RAB10: variants seen among roughly 807,000 people sequenced by gnomAD.
The protein encoded by RAB10 is RAB10, member RAS oncogene family, also known as ras-related protein Rab-10.
Under a neutral mutation model 25.7 loss-of-function variants are expected in RAB10, and 5 were observed. The observed-to-expected ratio is 0.19, with a 90% CI of 0.10 to 0.41. RAB10 has a LOEUF of 0.41. Among genes scored for constraint, RAB10 ranks in the 10% least tolerant of loss-of-function variants. The probability of loss-of-function intolerance (pLI) is 1.00; values close to 1 mark genes in which losing one functional copy is unlikely to be tolerated. For missense variants in RAB10, 103 were observed against 245.8 expected (o/e 0.42, Z 3.89); for synonymous variants, 89 against 86.4 (o/e 1.03, Z -0.16).
intron 4 of RAB10, 49 bp from the exon 5 acceptor site, chr2:26,127,801 G>A: frequency 7.2e-7 from 1 of 1,382,442 alleles, no homozygotes. Context: ...GTCAGCAGTT[G>A]GCAACCCATG....
chr2:26,128,292 G>A (rs1160311383), intron 5 of RAB10, among the ~76,000 whole-genome samples: 1 of 152,204 alleles, frequency 6.6e-6, no homozygotes, highest in Non-Finnish European at 1.5e-5. Flanking sequence ...TCTGATGGGA[G>A]GCGGAGCTCA....
intron 3 of RAB10, among the ~76,000 whole-genome samples, chr2:26,122,175 A>G (rs1667818028): frequency 6.6e-6 from 1 of 152,218 alleles, no homozygotes; most frequent in South Asian, 2.1e-4. Flanking sequence ...TTTCAAGATA[A>G]ATTAATCCAG....
At position 26,039,409 on chromosome 2, in the gene RAB10, G is replaced by T. The variant is rs949125690; in HGVS notation, c.127+4674G>T. On this transcript the variant is annotated intron_variant, in intron 1 of 5. Transcript: ENST00000264710. ...TGCCCAGGCTGGAGTGTAGTGGCGC[G>T]ATCTGGGCTCACTGCAACCTCCACT... Among the ~76,000 whole-genome samples the T allele has an allele frequency of 1.2e-4, 18 of 151,448 alleles. 1 individual carries two copies. Among genetic ancestry groups the T allele is most frequent in the Admixed American group, 1.1e-3 (16 of 15,180 alleles).
At position 26,079,955 on chromosome 2, in the gene RAB10, C is replaced by T. The variant is rs138773203; in HGVS notation, c.128-18707C>T. Among the ~76,000 whole-genome samples the T allele has an allele frequency of 2.5e-3, 385 of 152,242 alleles. 2 individuals carry two copies. The Middle Eastern group carries it at 0.027, about 11-fold the overall frequency. ...GATTATAGATGTGAGCCACTGCTCC[C>T]GGCTTAAATACAATTTCTTAATAAA... On this transcript the variant is annotated intron_variant, in intron 1 of 5. Coordinates refer to ENST00000264710, the MANE Select transcript of RAB10 (RefSeq NM_016131.5).
chr2:26,084,874 C>T (rs1404247496), intron 1 of RAB10, among the ~76,000 whole-genome samples: 1 of 152,076 alleles, frequency 6.6e-6, no homozygotes, highest in Non-Finnish European at 1.5e-5. Flanking sequence ...CTACCTCAAA[C>T]CTAACTTTTC....
At chr2:26,063,314 A>G (rs1006050822) in intron 1 of RAB10, among the ~76,000 whole-genome samples, 1 of 152,142 alleles carries the variant, frequency 6.6e-6, no homozygotes, top group East Asian at 1.9e-4. Flanking sequence ...TTTATTTTGA[A>G]AAGTTTCATA....
intron 1 of RAB10, among the ~76,000 whole-genome samples, chr2:26,092,290 TG>T (rs1559590799): frequency 3.4e-4 from 49 of 142,938 alleles, no homozygotes; most frequent in African/African-American, 1.2e-3. Context: ...TGTGTGTGTG[TG>T]TGTGTGTGTG....
At chr2:26,085,041 T>C (rs1257082771) in intron 1 of RAB10, among the ~76,000 whole-genome samples, 1 of 152,226 alleles carries the variant, frequency 6.6e-6, no homozygotes, top group African/African-American at 2.4e-5. Context: ...TTTGATTCTG[T>C]CACCCAGAAT....
intron 1 of RAB10, among the ~76,000 whole-genome samples, chr2:26,048,876 T>G (rs1171046659): frequency 6.6e-6 from 1 of 152,132 alleles, no homozygotes; most frequent in Admixed American, 6.6e-5. Context: ...TACAATAAAA[T>G]AAAATTCTAG....
intron 5 of RAB10, among the ~76,000 whole-genome samples, chr2:26,132,496 G>C (rs951473846): frequency 2.6e-4 from 39 of 152,232 alleles, no homozygotes; most frequent in Admixed American, 1.2e-3. Context: ...TCAGGGATCT[G>C]CCCACCTTGG....
chr2:26,063,425 A>G lies in RAB10; in HGVS notation c.127+28690A>G, dbSNP rs533300197. 8.1e-4 allele frequency among the ~76,000 whole-genome samples: 64 copies of G among 79,020 alleles called. 2 individuals are homozygous for G. In the South Asian group the frequency reaches 0.028, roughly 34 times the overall value. 51.8% of individuals were successfully genotyped at this position (79,020 alleles called of 152,430 possible). On this transcript the variant is annotated intron_variant, in intron 1 of 5. Transcript: ENST00000264710. Reference sequence around the variant, plus strand: ...TTACATTTGCTCACTCACATTCTTTATGTGATTTTTTTTTTGCTAGACCAT... The same window carrying G: ...TTACATTTGCTCACTCACATTCTTTGTGTGATTTTTTTTTTGCTAGACCAT...
At chr2:26,126,533 C>T (rs1163888736) in intron 3 of RAB10, among the ~76,000 whole-genome samples, 1 of 152,114 alleles carries the variant, frequency 6.6e-6, no homozygotes, top group African/African-American at 2.4e-5. Context: ...GCGAAAGTTG[C>T]AGGAAGCCCA....
chr2:26,043,349 G>T (rs1665931236), intron 1 of RAB10, among the ~76,000 whole-genome samples: 1 of 152,200 alleles, frequency 6.6e-6, no homozygotes, highest in Admixed American at 6.6e-5. Flanking sequence ...TTGAACCCGG[G>T]AAGCGGAGGT....
chr2:26,033,991 T>C (rs1665697175), upstream of RAB10: 2 of 398,054 alleles, frequency 5.0e-6, no homozygotes, highest in Non-Finnish European at 8.9e-6. Flanking sequence ...CACTCGCCAC[T>C]TCGGCGCGCC....
intron 5 of RAB10, among the ~76,000 whole-genome samples, chr2:26,130,564 T>G (rs1667992437): frequency 6.6e-6 from 1 of 152,042 alleles, no homozygotes; most frequent in Non-Finnish European, 1.5e-5. Flanking sequence ...CTGCTTCAGC[T>G]TTCTGAGTAG....
chr2:26,075,144 C>T (rs1666706352), intron 1 of RAB10, among the ~76,000 whole-genome samples: 1 of 152,068 alleles, frequency 6.6e-6, no homozygotes, highest in South Asian at 2.1e-4. Flanking sequence ...GAGCAAAATA[C>T]AAAAGATGCC....
At chr2:26,044,867 C>G (rs2149262184) in intron 1 of RAB10, among the ~76,000 whole-genome samples, 1 of 152,146 alleles carries the variant, frequency 6.6e-6, no homozygotes, top group Non-Finnish European at 1.5e-5. Flanking sequence ...TTAGAATCCA[C>G]AGCCAATCTT....
intron 1 of RAB10, among the ~76,000 whole-genome samples, chr2:26,089,278 C>G (rs2149276775): frequency 1.3e-5 from 2 of 151,996 alleles, no homozygotes; most frequent in Middle Eastern, 6.8e-3. Context: ...CAAAAATTAG[C>G]CGGGCATGAT....
At chr2:26,102,420 T>C (rs868653129) in intron 2 of RAB10, among the ~76,000 whole-genome samples, 1 of 151,610 alleles carries the variant, frequency 6.6e-6, no homozygotes, top group Middle Eastern at 3.4e-3. Context: ...GCTGTGATTT[T>C]TTTTTTTCTT....
Sources: gnomAD v4.1 joint callset for allele counts (sites outside exome capture counted in the v4.1 genomes callset) on GRCh38, gnomAD v4.1.1 for gene constraint, MANE v1.5 for transcripts, NCBI Gene and HGNC (gene_info 2026-07-23, HGNC 2026-07-21) for gene names.